Variants in RBFOX1 observed in about 807,000 individuals in gnomAD.
The protein encoded by RBFOX1 is RNA binding fox-1 homolog 1.
In RBFOX1, 8 loss-of-function variants were observed where a neutral mutation model predicts 57.7. The ratio of observed to expected loss-of-function variants is 0.14; its 90% CI spans 0.08 to 0.25. The LOEUF (loss-of-function observed/expected upper bound fraction) is 0.25. Among genes scored for constraint, RBFOX1 ranks in the 10% least tolerant of loss-of-function variants. The probability of loss-of-function intolerance (pLI) is 1.00; values close to 1 mark genes in which losing one functional copy is unlikely to be tolerated. For missense variants in RBFOX1, 611 were observed against 548.5 expected, an observed-to-expected ratio of 1.11 and a Z score of -1.14; for synonymous variants, 326 against 222.4, an observed-to-expected ratio of 1.47 and a Z score of -4.15.
At chr16:6,707,441 A>C (rs920541677) in intron 3 of RBFOX1, among the ~76,000 whole-genome samples, 1 of 151,750 alleles carries the variant, frequency 6.6e-6, no homozygotes, top group Middle Eastern at 3.4e-3. Flanking sequence ...TACATGTGGG[A>C]AAATGCTAGT....
intron 2 of RBFOX1, among the ~76,000 whole-genome samples, chr16:6,471,482 C>T (rs1006042432): frequency 6.6e-6 from 1 of 151,446 alleles, no homozygotes; most frequent in Non-Finnish European, 1.5e-5. Context: ...TTCTGGAATG[C>T]AATGGGCATT....
At chr16:5,402,490 G>T (rs2066743497) in intron 1 of RBFOX1, among the ~76,000 whole-genome samples, 1 of 152,166 alleles carries the variant, frequency 6.6e-6, no homozygotes, top group Admixed American at 6.5e-5. Flanking sequence ...GTATTTGTCA[G>T]CATAGCCAGA....
At chr16:7,219,059 A>G (rs145665357) in intron 4 of RBFOX1, among the ~76,000 whole-genome samples, 334 of 152,316 alleles carry the variant, frequency 2.2e-3, no homozygotes, top group African/African-American at 7.8e-3. Flanking sequence ...GCCTTTGTAA[A>G]TGAATGTGGA....
chr16:6,835,275 C>T (rs72766793), intron 3 of RBFOX1, among the ~76,000 whole-genome samples: 10,270 of 152,138 alleles, frequency 0.068, 513 homozygotes, highest in Non-Finnish European at 0.11. Context: ...AGCTGCTATG[C>T]GGGTTCCCTT....
intron 4 of RBFOX1, among the ~76,000 whole-genome samples, chr16:7,396,882 A>T (rs1342915908): frequency 6.6e-6 from 1 of 152,220 alleles, no homozygotes; most frequent in Non-Finnish European, 1.5e-5. Flanking sequence ...CAGAGGTTGC[A>T]GTGAGCCTAG....
intron 3 of RBFOX1, among the ~76,000 whole-genome samples, chr16:7,012,803 C>G (rs1404369579): frequency 6.6e-6 from 1 of 152,112 alleles, no homozygotes; most frequent in Non-Finnish European, 1.5e-5. Flanking sequence ...AAACTGATAT[C>G]TTAGTGTGTT....
intron 2 of RBFOX1, among the ~76,000 whole-genome samples, chr16:6,557,900 A>G (rs912241761): frequency 2.6e-5 from 4 of 152,108 alleles, no homozygotes; most frequent in African/African-American, 7.2e-5. Context: ...TACTTCCCCA[A>G]TGCTTCTTCA....
intron 4 of RBFOX1, among the ~76,000 whole-genome samples, chr16:7,403,732 GAC>G (rs2098283848): frequency 6.6e-6 from 1 of 151,992 alleles, no homozygotes; most frequent in East Asian, 1.9e-4. Context: ...TTTTAGTAGA[GAC>G]AGGGTTTCAC....
intron 3 of RBFOX1, among the ~76,000 whole-genome samples, chr16:5,831,736 A>C (rs1441262686): frequency 6.6e-6 from 1 of 152,066 alleles, no homozygotes; most frequent in African/African-American, 2.4e-5. Flanking sequence ...CACCTAGCCT[A>C]AACCTCTTTT....
intron 2 of RBFOX1, chr16:5,598,794 C>G (rs1386069): frequency 2.5e-6 from 2 of 814,974 alleles, no homozygotes; most frequent in Admixed American, 2.9e-5. Context: ...TGTGGCTAAA[C>G]GTGGTGAGAC....
intron 2 of RBFOX1, among the ~76,000 whole-genome samples, chr16:5,477,762 C>T (rs2069382393): frequency 6.6e-6 from 1 of 152,172 alleles, no homozygotes; most frequent in South Asian, 2.1e-4. Context: ...TTATAGCTTT[C>T]TGATCACAGA....
intron 2 of RBFOX1, among the ~76,000 whole-genome samples, chr16:6,353,708 G>A (rs17139915): frequency 0.019 from 2,919 of 152,088 alleles, 97 homozygotes; most frequent in African/African-American, 0.066. Context: ...TGGTTATTTC[G>A]GCCACAAAGT....
At chr16:6,733,891 T>C (rs2069347376) in intron 3 of RBFOX1, among the ~76,000 whole-genome samples, 1 of 152,232 alleles carries the variant, frequency 6.6e-6, no homozygotes, top group Non-Finnish European at 1.5e-5. Context: ...TGGTTCTGAT[T>C]GTCAGCGCTA....
chr16:6,486,942 C>T (rs180858018), intron 2 of RBFOX1, among the ~76,000 whole-genome samples: 136 of 152,136 alleles, frequency 8.9e-4, no homozygotes, highest in Admixed American at 2.0e-3. Context: ...CCCTGCTGAA[C>T]CCCCTCTTCT....
intron 4 of RBFOX1, among the ~76,000 whole-genome samples, chr16:7,303,615 GA>G (rs996296357): frequency 1.3e-5 from 2 of 152,094 alleles, no homozygotes; most frequent in East Asian, 1.9e-4. Context: ...GGGAGGGAAG[GA>G]AAAAAAGGAA....
At chr16:6,609,595 T>TA (rs199923265) in intron 2 of RBFOX1, among the ~76,000 whole-genome samples, 1,964 of 151,854 alleles carry the variant, frequency 0.013, 59 homozygotes, top group African/African-American at 0.044. Flanking sequence ...TTCCTTAATT[T>TA]AAAAAAAAAT....
At chr16:6,906,445 A>G (rs1427401516) in intron 3 of RBFOX1, among the ~76,000 whole-genome samples, 1 of 152,180 alleles carries the variant, frequency 6.6e-6, no homozygotes, top group African/African-American at 2.4e-5. Flanking sequence ...TGGCCTGTGG[A>G]AATGCGACTT....
rs79201259 is a variant in RBFOX1, at chr16:5,804,835, C to G, written c.319-62468C>G. Among the ~76,000 whole-genome samples the G allele has an allele frequency of 2.8e-3, 426 of 151,476 alleles. 3 individuals carry two copies. The highest frequency in any genetic ancestry group is 9.7e-3 in the African/African-American group (399 of 41,074). ...CCCACATTAATAATCAGAATTGACA[C>G]ATTCTAAATGAGGCCCTCCTTGTTG... On this transcript the variant is annotated intron_variant, in intron 3 of 19. Coordinates refer to the RBFOX1 transcript ENST00000641259.
chr16:7,688,421 C>G (rs1170488612), intron 14 of RBFOX1, among the ~76,000 whole-genome samples: 2 of 152,010 alleles, frequency 1.3e-5, no homozygotes, highest in Admixed American at 6.6e-5. Context: ...GCCCATAAGA[C>G]TTAAAGACAG....
Sources: allele counts gnomAD v4.1 joint callset (sites outside exome capture counted in the v4.1 genomes callset), GRCh38; gene constraint gnomAD v4.1.1; transcripts MANE v1.5; gene names NCBI Gene and HGNC (gene_info 2026-07-23, HGNC 2026-07-21).